The following FRMD4A variants were observed in gnomAD, a reference collection of about 807,000 sequenced individuals.
FRMD4A encodes the protein FERM domain-containing protein 4A.
FRMD4A carries 29 observed loss-of-function variants against 129.1 expected under a neutral mutation model. That is an observed-to-expected ratio of 0.22 (90% CI 0.17 to 0.31). FRMD4A has a LOEUF of 0.31. Ranked by LOEUF, FRMD4A falls within the 10% of genes least tolerant of loss-of-function variation. FRMD4A has a pLI of 1.00. For missense variants in FRMD4A, 1,272 were observed against 1,375.8 expected (o/e 0.92, Z 1.19); for synonymous variants, 634 against 571.6 (o/e 1.11, Z -1.56).
At position 14,000,874 on chromosome 10, in the gene FRMD4A, C is replaced by T. The variant is rs958243603; in HGVS notation, c.46-141962G>A. 2.6e-5 allele frequency among the ~76,000 whole-genome samples: 4 copies of T among 152,012 alleles called. No homozygotes were observed. In the South Asian group the frequency reaches 6.2e-4, roughly 24 times the overall value. ...TGCACAATTCTAGACTCTATGACTT[C>T]GGAAGGCCTCAGGTAACTATCCAGA... On this transcript the variant is annotated intron_variant, in intron 2 of 24. Transcript: ENST00000357447.
At chr10:14,096,490 C>G (rs1836969105) in intron 2 of FRMD4A, among the ~76,000 whole-genome samples, 1 of 152,218 alleles carries the variant, frequency 6.6e-6, no homozygotes, top group South Asian at 2.1e-4. Context: ...GTAGGGAGCT[C>G]AGATGTGAGT....
At chr10:14,234,644 A>G (rs140963025) in intron 2 of FRMD4A, among the ~76,000 whole-genome samples, 31 of 152,362 alleles carry the variant, frequency 2.0e-4, no homozygotes, top group South Asian at 2.1e-4. Flanking sequence ...GTGGGTCCCA[A>G]TGAGAAGGGC....
intron 2 of FRMD4A, among the ~76,000 whole-genome samples, chr10:14,239,255 C>A (rs1843942925): frequency 6.6e-6 from 1 of 152,190 alleles, no homozygotes; most frequent in Admixed American, 6.5e-5. Context: ...ACTCATGGAT[C>A]TCCTTAATTT....
chr10:13,811,885 T>G (rs965759263), intron 3 of FRMD4A, among the ~76,000 whole-genome samples: 2 of 54,044 alleles, frequency 3.7e-5, no homozygotes, highest in African/African-American at 1.3e-4. Context: ...TATCTGTTGG[T>G]TTTTTTTTTT....
intron 2 of FRMD4A, among the ~76,000 whole-genome samples, chr10:14,010,384 A>T (rs1023098196): frequency 6.6e-6 from 1 of 152,174 alleles, no homozygotes; most frequent in African/African-American, 2.4e-5. Flanking sequence ...AGAGAATGTT[A>T]ATGGTAACAA....
chr10:13,903,724 A>T (rs10906538), intron 2 of FRMD4A, among the ~76,000 whole-genome samples: 35,924 of 151,482 alleles, frequency 0.24, 4,499 homozygotes, highest in Middle Eastern at 0.37. Context: ...TAAAAATAAA[A>T]AAAAAATAGC....
chr10:13,790,642 T>C (rs79358984), intron 5 of FRMD4A, among the ~76,000 whole-genome samples: 3,642 of 152,026 alleles, frequency 0.024, 103 homozygotes, highest in East Asian at 0.085. Context: ...AGAAGCCACA[T>C]GGGAGCAGGG....
chr10:14,188,325 C>T (rs779979810), intron 2 of FRMD4A, among the ~76,000 whole-genome samples: 12 of 152,158 alleles, frequency 7.9e-5, no homozygotes, highest in Admixed American at 2.0e-4. Flanking sequence ...GACTTGAATG[C>T]TTCCCACTGA....
intron 8 of FRMD4A, among the ~76,000 whole-genome samples, chr10:13,751,210 C>T (rs879277505): frequency 6.6e-6 from 1 of 152,170 alleles, no homozygotes; most frequent in Non-Finnish European, 1.5e-5. Flanking sequence ...CAAACCCTTG[C>T]TTGTTGGCAA....
chr10:14,245,666 G>A (rs1193308460), intron 2 of FRMD4A, among the ~76,000 whole-genome samples: 1 of 152,104 alleles, frequency 6.6e-6, no homozygotes, highest in Admixed American at 6.5e-5. Flanking sequence ...TCTGTAAGAC[G>A]AGGAAATTTG....
intron 2 of FRMD4A, among the ~76,000 whole-genome samples, chr10:14,063,241 G>C (rs1834899582): frequency 6.6e-6 from 1 of 151,524 alleles, no homozygotes; most frequent in South Asian, 2.1e-4. Context: ...CAGAAGTTAT[G>C]TTTAGTGCGT....
intron 2 of FRMD4A, among the ~76,000 whole-genome samples, chr10:14,124,633 G>A (rs1467614712): frequency 6.6e-6 from 1 of 152,156 alleles, no homozygotes; most frequent in Non-Finnish European, 1.5e-5. Flanking sequence ...CCGAGATCAT[G>A]CCACTGCATT....
rs376922161 is a variant in FRMD4A, at chr10:13,670,411, C to G, written c.1369G>C (p.Gly457Arg). 1 of 1,613,082 alleles carries G rather than the reference C, an allele frequency of 6.2e-7. No individual in the cohort carries two copies. Among genetic ancestry groups the G allele is most frequent in the African/African-American group, 1.3e-5 (1 of 74,874 alleles). The change falls in exon 17 of 25, where the codon GGA becomes CGA. Residue 457 changes from glycine to arginine, a missense_variant. Around this residue, in one of 2 missense-constraint regions of FRMD4A, gnomAD observed 972 missense variants for 892.3 expected, o/e 1.09. Transcript: ENST00000357447. The stretch of plus-strand genomic sequence containing the variant: ...AACAGAAAGGAAGGACGCACCTCTC[C>G]TTTGGGCAGGATTTTCTGTTCATCC... ...KLDEQKILPKGEEAELERLER... is the reference protein window; with the variant it reads ...KLDEQKILPKREEAELERLER...
intron 3 of FRMD4A, among the ~76,000 whole-genome samples, chr10:13,845,149 G>A (rs2094024567): frequency 6.6e-6 from 1 of 152,166 alleles, no homozygotes; most frequent in Admixed American, 6.6e-5. Context: ...CAAGAATGAT[G>A]ACTGATTTGA....
At chr10:14,306,512 G>C (rs1262807589) in intron 2 of FRMD4A, among the ~76,000 whole-genome samples, 1 of 152,216 alleles carries the variant, frequency 6.6e-6, no homozygotes, top group Non-Finnish European at 1.5e-5. Context: ...CAAGGTTATA[G>C]ACATTATAAT....
chr10:13,893,882 ACCT>A (rs1171786345), intron 2 of FRMD4A, among the ~76,000 whole-genome samples: 2 of 152,078 alleles, frequency 1.3e-5, no homozygotes, highest in Non-Finnish European at 2.9e-5. Context: ...CCACATCTAC[ACCT>A]CCTGCTTTCC....
chr10:14,058,961 A>G (rs112009673), intron 2 of FRMD4A, among the ~76,000 whole-genome samples: 2,396 of 152,256 alleles, frequency 0.016, 34 homozygotes, highest in Non-Finnish European at 0.024. Context: ...TGGTCAAACT[A>G]AAAATGATTT....
At chr10:14,221,103 G>A (rs896003612) in intron 2 of FRMD4A, among the ~76,000 whole-genome samples, 9 of 152,192 alleles carry the variant, frequency 5.9e-5, no homozygotes, top group Non-Finnish European at 1.3e-4. Context: ...GCAGCGAATG[G>A]TGGCAAGACT....
At chr10:13,754,627 G>A (rs374293012) in intron 8 of FRMD4A, among the ~76,000 whole-genome samples, 4 of 151,630 alleles carry the variant, frequency 2.6e-5, no homozygotes, top group African/African-American at 9.7e-5. Context: ...TAGTATATGA[G>A]AATTATATTA....
Sources: gnomAD v4.1 joint callset for allele counts (sites outside exome capture counted in the v4.1 genomes callset) on GRCh38, gnomAD v4.1.1 for gene constraint, gnomAD v4.1.1 regional missense constraint, MANE v1.5 for transcripts, NCBI Gene and HGNC (gene_info 2026-07-23, HGNC 2026-07-21) for gene names.